KCNQ3: variants seen among roughly 807,000 people sequenced by gnomAD.
KCNQ3 encodes potassium voltage-gated channel subfamily KQT member 3.
KCNQ3 carries 30 observed loss-of-function variants against 92.5 expected under a neutral mutation model. The ratio of observed to expected loss-of-function variants is 0.32; its 90% confidence interval spans 0.24 to 0.44. The LOEUF (loss-of-function observed/expected upper bound fraction) is 0.44, where lower values mean the gene tolerates loss of function less well. Among genes scored for constraint, KCNQ3 ranks in the 20% least tolerant of loss-of-function variants. The pLI is 1.00. For missense variants in KCNQ3, 913 were observed against 1,140.3 expected (o/e 0.80, Z 2.87); for synonymous variants, 450 against 468.8 (o/e 0.96, Z 0.52).
intron 1 of KCNQ3, among the ~76,000 whole-genome samples, chr8:132,215,812 T>A (rs1390999805): frequency 6.6e-6 from 1 of 152,080 alleles, no homozygotes; most frequent in Non-Finnish European, 1.5e-5. Context: ...GTTCCAGAGT[T>A]CCCCTGTGGG....
chr8:132,175,653 C>A, intron 4 of KCNQ3, 45 bp from the exon 5 acceptor site: 2 of 1,594,972 alleles, frequency 1.3e-6, no homozygotes, highest in South Asian at 1.1e-5. Flanking sequence ...ACTGGGGAGT[C>A]GTTGAGTGGA....
chr8:132,428,437 T>C (rs1480521232), intron 1 of KCNQ3, among the ~76,000 whole-genome samples: 1 of 152,160 alleles, frequency 6.6e-6, no homozygotes, highest in African/African-American at 2.4e-5. Flanking sequence ...AAAAACAATT[T>C]AAAACCGCAA....
chr8:132,187,916 T>TG, intron 1 of KCNQ3, among the ~76,000 whole-genome samples: 2 of 140,760 alleles, frequency 1.4e-5, no homozygotes, highest in African/African-American at 2.7e-5. Context: ...GTGGTGGTGG[T>TG]GTTGGTGGTG....
intron 1 of KCNQ3, among the ~76,000 whole-genome samples, chr8:132,200,000 G>T (rs1827411567): frequency 6.6e-6 from 1 of 151,218 alleles, no homozygotes. Context: ...TTTTTACCTT[G>T]TTCCTTCTTA....
chr8:132,342,246 A>G (rs2130687535), intron 1 of KCNQ3, among the ~76,000 whole-genome samples: 1 of 151,988 alleles, frequency 6.6e-6, no homozygotes, highest in Non-Finnish European at 1.5e-5. Flanking sequence ...TCTCCTTTAA[A>G]AGGCACCATG....
intron 1 of KCNQ3, among the ~76,000 whole-genome samples, chr8:132,333,399 G>A (rs769689417): frequency 5.9e-5 from 9 of 152,188 alleles, no homozygotes; most frequent in Non-Finnish European, 8.8e-5. Flanking sequence ...GTAAGATGCT[G>A]TCCCACATAA....
intron 1 of KCNQ3, among the ~76,000 whole-genome samples, chr8:132,287,491 C>T (rs1257293145): frequency 6.6e-6 from 1 of 152,108 alleles, no homozygotes; most frequent in African/African-American, 2.4e-5. Flanking sequence ...GTACTATTGG[C>T]AATAGCCAAA....
chr8:132,355,544 G>T (rs973074219), intron 1 of KCNQ3, among the ~76,000 whole-genome samples: 1 of 152,066 alleles, frequency 6.6e-6, no homozygotes, highest in Non-Finnish European at 1.5e-5. Flanking sequence ...AGTTTAAGAG[G>T]AAGAGCCCAA....
chr8:132,293,474 C>T (rs970444341), intron 1 of KCNQ3, among the ~76,000 whole-genome samples: 1 of 152,132 alleles, frequency 6.6e-6, no homozygotes, highest in Non-Finnish European at 1.5e-5. Flanking sequence ...CAGATGTCTT[C>T]TTCTGTGTTA....
Position 132,168,800 on chromosome 8 carries a change from G to A in KCNQ3, c.1235+1534C>T, listed in dbSNP as rs569720873. Among the ~76,000 whole-genome samples, 12 of 140,884 alleles carry A rather than the reference G, an allele frequency of 8.5e-5. No homozygotes were observed. The East Asian group carries it at 2.4e-3, about 28-fold the overall frequency. The allele number at this position is 140,884 out of a possible 152,430, so 92.4% of individuals were successfully genotyped here. A position where few individuals can be genotyped will look rare whatever the true frequency, so the allele number is the denominator to read the frequency against. The stretch of plus-strand genomic sequence containing the variant: ...GTGTGTTTGCAGAGGAGTTGTGGCT[G>A]GGCACAGAGAGAGCCCCCTATCTAG... On this transcript the variant is annotated intron_variant, in intron 8 of 14. Transcript: ENST00000388996.
intron 1 of KCNQ3, among the ~76,000 whole-genome samples, chr8:132,341,399 G>T (rs529464470): frequency 6.6e-6 from 1 of 151,994 alleles, no homozygotes; most frequent in Admixed American, 6.6e-5. Flanking sequence ...CCTCTTTCTG[G>T]GCCTTCTCCT....
chr8:132,448,100 A>C (rs1050458386), intron 1 of KCNQ3, among the ~76,000 whole-genome samples: 1 of 152,152 alleles, frequency 6.6e-6, no homozygotes, highest in Non-Finnish European at 1.5e-5. Flanking sequence ...TTGTCAAAGA[A>C]TTTGACAAGC....
At chr8:132,304,696 T>G (rs6471056) in intron 1 of KCNQ3, among the ~76,000 whole-genome samples, 2 of 151,768 alleles carry the variant, frequency 1.3e-5, no homozygotes, top group African/African-American at 4.8e-5. Flanking sequence ...TTTTCATCAT[T>G]GCAGAAGTTT....
chr8:132,157,637 C>T (rs1348273723), intron 9 of KCNQ3, among the ~76,000 whole-genome samples: 1 of 123,658 alleles, frequency 8.1e-6, no homozygotes, highest in African/African-American at 2.9e-5. Flanking sequence ...AAAATGTAAC[C>T]TGTGTTTTAT....
chr8:132,264,558 C>T (rs767333613), intron 1 of KCNQ3, among the ~76,000 whole-genome samples: 17 of 152,188 alleles, frequency 1.1e-4, no homozygotes, highest in Non-Finnish European at 2.2e-4. Flanking sequence ...GGGGTTCCTC[C>T]TTGAAATCCA....
At chr8:132,305,252 C>G (rs1817382952) in intron 1 of KCNQ3, among the ~76,000 whole-genome samples, 1 of 152,234 alleles carries the variant, frequency 6.6e-6, no homozygotes. Flanking sequence ...CCAGCTCATT[C>G]AGTCCCACAT....
chr8:132,149,340 G>C (rs1167279982), intron 9 of KCNQ3, among the ~76,000 whole-genome samples: 3 of 152,218 alleles, frequency 2.0e-5, no homozygotes, highest in African/African-American at 7.2e-5. Flanking sequence ...TCTGTGAGAT[G>C]GCGGCCTGTT....
At chr8:132,187,700 T>TGGTGGTGGTGGTG (rs1173650500) in intron 1 of KCNQ3, among the ~76,000 whole-genome samples, 47 of 91,214 alleles carry the variant, frequency 5.2e-4, no homozygotes, top group African/African-American at 2.2e-3. Flanking sequence ...GTTGTGATGA[T>TGGTGGTGGTGGTG]AGTGGTGGTG....
At chr8:132,328,004 C>T (rs1480016397) in intron 1 of KCNQ3, among the ~76,000 whole-genome samples, 2 of 152,132 alleles carry the variant, frequency 1.3e-5, no homozygotes, top group African/African-American at 2.4e-5. Context: ...ACTATGTCCC[C>T]TCTACCCCAG....
Sources: gnomAD v4.1 joint callset for allele counts (sites outside exome capture counted in the v4.1 genomes callset) on GRCh38, gnomAD v4.1.1 for gene constraint, MANE v1.5 for transcripts, NCBI Gene and HGNC (gene_info 2026-07-23, HGNC 2026-07-21) for gene names.